ASCC2: variants seen among roughly 807,000 people sequenced by gnomAD.
ASCC2 encodes the protein activating signal cointegrator 1 complex subunit 2.
In ASCC2, 42 loss-of-function variants were observed where a neutral mutation model predicts 93.5. That is an observed-to-expected ratio of 0.45 (90% CI 0.35 to 0.58). The LOEUF (loss-of-function observed/expected upper bound fraction) is 0.58. Ranked by LOEUF, ASCC2 falls within the 20% of genes least tolerant of loss-of-function variation. ASCC2 has a pLI of 0.00. For missense variants in ASCC2, 859 were observed against 977.6 expected, an observed-to-expected ratio of 0.88 and a Z score of 1.62; for synonymous variants, 364 against 384.2, an observed-to-expected ratio of 0.95 and a Z score of 0.62.
chr22:29,799,029 C>T (rs1222583069), intron 15 of ASCC2, among the ~76,000 whole-genome samples: 3 of 152,372 alleles, frequency 2.0e-5, no homozygotes, highest in East Asian at 1.9e-4. Flanking sequence ...GCCAGCCACT[C>T]TGCTGACCCT....
chr22:29,833,886 T>TC (rs1444719035), intron 1 of ASCC2, among the ~76,000 whole-genome samples: 1 of 151,346 alleles, frequency 6.6e-6, no homozygotes, highest in Non-Finnish European at 1.5e-5. Flanking sequence ...TTTCTTTTTT[T>TC]TTTTTTTTTA....
chr22:29,823,985 A>ATT (rs2061945547), intron 4 of ASCC2, among the ~76,000 whole-genome samples: 3 of 152,174 alleles, frequency 2.0e-5, no homozygotes, highest in South Asian at 4.1e-4. Flanking sequence ...GAGGCCAGGA[A>ATT]TTCAAAACCA....
At chr22:29,810,817 G>A (rs972497853) in intron 8 of ASCC2, among the ~76,000 whole-genome samples, 15 of 151,548 alleles carry the variant, frequency 9.9e-5, no homozygotes, top group Admixed American at 7.9e-4. Flanking sequence ...TGCAACCTCC[G>A]CCTCCCGGTT....
rs2147978842 is a variant in ASCC2, at chr22:29,814,718, T to C, written c.659A>G (p.Asn220Ser). Reference protein sequence around the residue: ...QHCGLQGDGANTTPQKLEERG... With the variant: ...QHCGLQGDGASTTPQKLEERG... Reference sequence around the variant, plus strand: ...CTCCTCAAGCTTCTGGGGTGTGGTATTGGCCCCGTCCCCTTGCAAACCACA... The same window carrying C: ...CTCCTCAAGCTTCTGGGGTGTGGTACTGGCCCCGTCCCCTTGCAAACCACA... Residue 220 changes from asparagine to serine, a missense_variant, in exon 7 of 20, where the codon AAT becomes AGT. Asn to Ser is a conservative substitution (Grantham distance 46, BLOSUM62 1). Coordinates refer to ENST00000307790, the MANE Select transcript of ASCC2 (RefSeq NM_032204.5). The C allele has an allele frequency of 1.2e-6, 2 of 1,608,972 alleles. No homozygotes were observed. The highest frequency in any genetic ancestry group is 1.7e-6 in the Non-Finnish European group (2 of 1,177,924).
chr22:29,825,342 A>T lies in ASCC2; in HGVS notation c.241-85T>A. 6.9e-7 allele frequency: 1 copy of T among 1,442,632 alleles called. No individual in the cohort carries two copies. The highest frequency in any genetic ancestry group is 1.4e-5 in the South Asian group (1 of 72,404). The allele number at this position is 1,442,632 out of a possible 1,614,324, so 89.4% of individuals were successfully genotyped here. ...TGGACTGTGCAGGGACTCAATGCCC[A>T]TCAGCCCTGCCCTATTCCAAACACT... On this transcript the variant is annotated intron_variant, in intron 3 of 19. Transcript: ENST00000307790. The surrounding 1 kb of genome is among the most constrained non-coding windows in gnomAD (Gnocchi z 4.9).
chr22:29,793,385 A>C lies in ASCC2; in HGVS notation c.1894T>G (p.Ser632Ala). 1.2e-6 allele frequency: 2 copies of C among 1,613,870 alleles called. No individual in the cohort carries two copies. The highest frequency in any genetic ancestry group is 1.7e-6 in the Non-Finnish European group (2 of 1,180,008). The change falls in exon 17 of 20, where the codon TCT becomes GCT. Residue 632 changes from serine (S) to alanine (A), a missense_variant. Transcript: ENST00000307790. ...GNQVGANDAD[S>A]DDELISRRPF... is the part of the protein sequence containing the mutation. ...CTGCGGCTGATGAGCTCGTCATCAG[A>C]GTCTGCATCATTGGCGCCCACCTGG...
intron 1 of ASCC2, chr22:29,833,675 C>A: frequency 2.1e-6 from 1 of 466,090 alleles, no homozygotes. Flanking sequence ...TATTAGGCCC[C>A]TCAAAAAACA....
At chr22:29,818,405 C>CACACAT (rs1732888881) in intron 5 of ASCC2, among the ~76,000 whole-genome samples, 1 of 1,686 alleles carries the variant, frequency 5.9e-4, no homozygotes, top group South Asian at 0.013. Context: ...TCCCTGCCTA[C>CACACAT]ACACACACAC....
At chr22:29,822,136 T>C in intron 5 of ASCC2, 199 bp downstream of exon 5, 3 of 671,258 alleles carry the variant, frequency 4.5e-6, no homozygotes, top group Non-Finnish European at 7.5e-6. Context: ...GTACACAGTT[T>C]TATTTCCACC....
intron 4 of ASCC2, 106 bp from the exon 5 acceptor site, chr22:29,822,570 G>A: frequency 7.4e-7 from 1 of 1,345,810 alleles, no homozygotes; most frequent in Non-Finnish European, 1.0e-6. Flanking sequence ...ATGGGGACTG[G>A]TTAATGATGC....
chr22:29,806,169 C>A, intron 12 of ASCC2, 47 bp downstream of exon 12: 1 of 1,589,482 alleles, frequency 6.3e-7, no homozygotes, highest in Non-Finnish European at 8.6e-7. Context: ...TCACCTCTGA[C>A]CTAGTCAAGC....
In ASCC2 at chr22:29,789,333, G is replaced by A. The variant is rs901521034; in HGVS notation, c.2103-149C>T. On this transcript the variant is annotated intron_variant, in intron 19 of 19. Transcript: ENST00000307790. ...CCAACTTCAGATGGAAGGAGAGATG[G>A]AGCCCAGCAGGGGCAGGGCCCTGGG... is the stretch of plus-strand genomic sequence containing the variant. 4.2e-5 allele frequency: 41 copies of A among 987,350 alleles called. No homozygotes were observed. In the Middle Eastern group the frequency reaches 1.3e-3, roughly 31 times the overall value. 61.2% of individuals were successfully genotyped at this position (987,350 alleles called of 1,614,324 possible).
intron 5 of ASCC2, 125 bp from the exon 6 acceptor site, chr22:29,816,198 G>T: frequency 1.2e-6 from 1 of 803,792 alleles, no homozygotes. Context: ...CCTATCTGCA[G>T]CTAGGACCTA....
chr22:29,806,014 A>C (rs2059632040), intron 12 of ASCC2, among the ~76,000 whole-genome samples: 1 of 151,990 alleles, frequency 6.6e-6, no homozygotes, highest in South Asian at 2.1e-4. Context: ...ATAGCACTGC[A>C]TCTCCCCTGC....
chr22:29,792,523 G>A lies in ASCC2; in HGVS notation c.1932C>T (p.Ile644=). The change falls in exon 18 of 20, where the codon ATC becomes ATT. Residue 644 remains isoleucine, a synonymous_variant. Coordinates refer to ENST00000307790, the MANE Select transcript of ASCC2 (RefSeq NM_032204.5). ...DELISRRPFT[I]PQVLRTKVPR... ...GCACTTTGGTTCTCAGCACCTGAGG[G>A]ATGGTGAATGGCCTGAGGGTGTGGA... The A allele has an allele frequency of 6.2e-7, 1 of 1,614,058 alleles. No homozygotes were observed. Among genetic ancestry groups the A allele is most frequent in the Non-Finnish European group, 8.5e-7 (1 of 1,179,948 alleles).
intron 1 of ASCC2, among the ~76,000 whole-genome samples, chr22:29,835,925 C>T (rs1159516707): frequency 1.3e-5 from 2 of 152,048 alleles, no homozygotes; most frequent in Non-Finnish European, 2.9e-5. Flanking sequence ...TGATCTATAA[C>T]CTGGATGTTG....
rs2062210716 is a variant in ASCC2, at chr22:29,825,679, G to A, written c.183C>T (p.Phe61=). The part of the protein sequence containing the change: ...LVEEYLERAT[F]VANDLDWLLA... Reference sequence around the variant, plus strand: ...GGAGCCAGTCGAGGTCATTGGCTACGAAGGTGGCGCGTTCCAGGTACTCCT... The same window carrying A: ...GGAGCCAGTCGAGGTCATTGGCTACAAAGGTGGCGCGTTCCAGGTACTCCT... Residue 61 remains phenylalanine (F), a synonymous_variant, in exon 3 of 20, where the codon TTC becomes TTT. Transcript: ENST00000307790. This position sits in a 1 kb window ranked among gnomAD's most constrained non-coding sequence, Gnocchi z 4.9. The A allele has an allele frequency of 3.1e-6, 5 of 1,614,120 alleles. No homozygotes were observed. Among genetic ancestry groups the A allele is most frequent in the Non-Finnish European group, 4.2e-6 (5 of 1,180,044 alleles).
At chr22:29,811,474 G>C (rs1569398369) in intron 8 of ASCC2, among the ~76,000 whole-genome samples, 2 of 152,328 alleles carry the variant, frequency 1.3e-5, no homozygotes, top group South Asian at 4.1e-4. Context: ...AGATGGGAAA[G>C]GAAGGAGGAA....
chr22:29,790,932 C>T (rs969711884), intron 18 of ASCC2, among the ~76,000 whole-genome samples: 5 of 152,142 alleles, frequency 3.3e-5, no homozygotes, highest in African/African-American at 7.2e-5. Context: ...TAAGTGGTCC[C>T]GGGAGCTGCA....
Sources: gnomAD v4.1 joint callset for allele counts (sites outside exome capture counted in the v4.1 genomes callset) on GRCh38, gnomAD v4.1.1 for gene constraint, Gnocchi (gnomAD v3.1) non-coding constraint, MANE v1.5 for transcripts, NCBI Gene and HGNC (gene_info 2026-07-23, HGNC 2026-07-21) for gene names.